CD200R1: variants seen among roughly 807,000 people sequenced by gnomAD.
CD200R1 encodes cell surface glycoprotein CD200 receptor 1.
In CD200R1, 30 loss-of-function variants were observed where a neutral mutation model predicts 38.1. The observed-to-expected ratio is 0.79, with a 90% CI of 0.59 to 1.07. The LOEUF is 1.07. CD200R1 is among the 50% of genes least tolerant of loss of function. The probability of loss-of-function intolerance (pLI) is 0.00; values close to 1 mark genes in which losing one functional copy is unlikely to be tolerated. For missense variants in CD200R1, 372 were observed against 415.4 expected (o/e 0.90, Z 0.91); for synonymous variants, 128 against 152.1 (o/e 0.84, Z 1.16).
chr3:112,967,288 C>G (rs1432043136), intron 1 of CD200R1, among the ~76,000 whole-genome samples: 2 of 152,146 alleles, frequency 1.3e-5, no homozygotes, highest in Non-Finnish European at 2.9e-5. Flanking sequence ...TTCACCACTC[C>G]AGTCATAGTT....
At chr3:112,936,552 CA>C (rs1466005450) in intron 2 of CD200R1, among the ~76,000 whole-genome samples, 2 of 152,034 alleles carry the variant, frequency 1.3e-5, no homozygotes, top group Non-Finnish European at 2.9e-5. Flanking sequence ...CTCTAATGAT[CA>C]GTGATGTTGA....
rs1188966782 is a variant in CD200R1, at chr3:112,952,904, CTTTA to C, written c.68-4984_68-4981del. ...ACTTCTTTATTTTCTATCTGGATCC[CTTTA>C]TTTGTTTCTCTTGCCTAATTCCTCC... On this transcript the variant is annotated intron_variant, in intron 1 of 7. Transcript: ENST00000308611. Among the ~76,000 whole-genome samples, 4 of 152,148 alleles carry C rather than the reference CTTTA, an allele frequency of 2.6e-5. No individual in the cohort carries two copies. In the South Asian group the frequency reaches 8.3e-4, roughly 32 times the overall value.
chr3:112,972,118 CTT>C (rs1933324821), intron 1 of CD200R1, among the ~76,000 whole-genome samples: 1 of 152,074 alleles, frequency 6.6e-6, no homozygotes, highest in Non-Finnish European at 1.5e-5. Flanking sequence ...TTAATAAGGA[CTT>C]TTAATTAATT....
Position 112,924,513 on chromosome 3 carries a change from CT to C in CD200R1, c.900del (p.Glu301AsnfsTer31), listed in dbSNP as rs1178966817. The C allele has an allele frequency of 7.8e-7, 1 of 1,282,136 alleles. No homozygotes were observed. Among genetic ancestry groups the C allele is most frequent in the African/African-American group, 1.5e-5 (1 of 65,316 alleles). 79.4% of individuals were successfully genotyped at this position (1,282,136 alleles called of 1,614,324 possible). ...NGCRKYKLNK[T>X]ESTPVVEEDE... ...ACCTCCTCAACAACTGGAGTAGATTCTGTTTTATTCAATTTATATTTTCTAT... is the reference window on the plus strand; with the variant it reads ...ACCTCCTCAACAACTGGAGTAGATTCGTTTTATTCAATTTATATTTTCTAT... On this transcript the variant is annotated frameshift_variant, in exon 7 of 8. Coordinates refer to ENST00000308611, the MANE Select transcript of CD200R1 (RefSeq NM_138806.4). LOFTEE classifies it low-confidence loss of function (END_TRUNC).
At position 112,974,800 on chromosome 3, in the gene CD200R1, A is replaced by G; in HGVS notation, c.58T>C (p.Leu20=). The change falls in exon 1 of 8, where the codon TTA becomes CTA. Residue 20 remains leucine, a synonymous_variant. Coordinates refer to ENST00000308611, the MANE Select transcript of CD200R1 (RefSeq NM_138806.4). ...GAGAATTCAAACTTACCGGCCACTA[A>G]GAAGATAGTCAAAATCAACAGTAGC... ...LGLLLILTIF[L]VAEAEGAAQP... is the part of the protein sequence containing the mutation. 1 of 1,589,946 alleles carries G rather than the reference A, an allele frequency of 6.3e-7. No individual in the cohort carries two copies. The highest frequency in any genetic ancestry group is 1.1e-5 in the South Asian group (1 of 87,974).
intron 2 of CD200R1, among the ~76,000 whole-genome samples, chr3:112,942,608 A>G (rs566818129): frequency 5.3e-5 from 8 of 151,664 alleles, no homozygotes; most frequent in Non-Finnish European, 1.2e-4. Flanking sequence ...GGTAGATATT[A>G]ATCTAACAGT....
At chr3:112,937,298 G>A (rs530337033) in intron 2 of CD200R1, among the ~76,000 whole-genome samples, 1 of 152,088 alleles carries the variant, frequency 6.6e-6, no homozygotes, top group Non-Finnish European at 1.5e-5. Flanking sequence ...CCTCCCAGCA[G>A]GTCCCTCCCA....
rs1940363985 is a variant in CD200R1, at chr3:112,929,286, T to C, written c.424A>G (p.Ile142Val). The C allele has an allele frequency of 1.2e-6, 2 of 1,614,180 alleles. No homozygotes were observed. Among genetic ancestry groups the C allele is most frequent in the Non-Finnish European group, 1.7e-6 (2 of 1,180,022 alleles). ...SRPDQNSDLQ[I>V]RTVAITHDGY... Reference sequence around the variant, plus strand: ...TCATGAGTGATGGCCACGGTACGAATCTGAAGGTCCGAATTCTGATCAGGT... The same window carrying C: ...TCATGAGTGATGGCCACGGTACGAACCTGAAGGTCCGAATTCTGATCAGGT... Residue 142 changes from isoleucine to valine, a missense_variant, in exon 4 of 8, where the codon ATT (isoleucine) becomes GTT (valine). Physicochemically the swap from Ile to Val is conservative, Grantham distance 29. Coordinates refer to ENST00000308611, the MANE Select transcript of CD200R1 (RefSeq NM_138806.4).
chr3:112,974,896 T>A lies in CD200R1; in HGVS notation c.-39A>T. The A allele has an allele frequency of 6.5e-7, 1 of 1,537,390 alleles. No individual in the cohort carries two copies. Among genetic ancestry groups the A allele is most frequent in the Non-Finnish European group, 9.0e-7 (1 of 1,111,498 alleles). ...TTTTCTGCCCTTCACTCAGTACTTT[T>A]CCTCCACACAGGTACAGAAGGAACT... On this transcript the variant is annotated 5_prime_UTR_variant, in exon 1 of 8. The change creates a premature stop within an existing upstream ORF in the 5' untranslated region. Transcript: ENST00000308611.
intron 1 of CD200R1, among the ~76,000 whole-genome samples, chr3:112,959,302 A>AT (rs1932959671): frequency 6.6e-6 from 1 of 152,130 alleles, no homozygotes; most frequent in Non-Finnish European, 1.5e-5. Context: ...TTCCGGAGGA[A>AT]TACAAACAGA....
chr3:112,928,303 T>C (rs1370691330), intron 5 of CD200R1, among the ~76,000 whole-genome samples: 2 of 152,168 alleles, frequency 1.3e-5, no homozygotes, highest in Non-Finnish European at 1.5e-5. Flanking sequence ...TATTTAATAG[T>C]TTTTAAATAA....
chr3:112,929,158 T>C (rs1940356359), intron 4 of CD200R1, 32 bp downstream of exon 4: 3 of 1,613,178 alleles, frequency 1.9e-6, no homozygotes, highest in African/African-American at 2.7e-5. Flanking sequence ...AATCTGGTGA[T>C]GTGAAATACC....
At chr3:112,953,044 G>C (rs554834521) in intron 1 of CD200R1, among the ~76,000 whole-genome samples, 1 of 152,252 alleles carries the variant, frequency 6.6e-6, no homozygotes, top group South Asian at 2.1e-4. Flanking sequence ...TCTGATCTTA[G>C]AGGAAAGGCT....
chr3:112,967,202 T>C (rs1164981709), intron 1 of CD200R1, among the ~76,000 whole-genome samples: 1 of 152,162 alleles, frequency 6.6e-6, no homozygotes, highest in Admixed American at 6.6e-5. Context: ...GCTTTTTCTC[T>C]TTACACTTTC....
At chr3:112,948,073 A>T in intron 1 of CD200R1, 149 bp from the exon 2 acceptor site, 2 of 647,510 alleles carry the variant, frequency 3.1e-6, no homozygotes, top group Non-Finnish European at 5.6e-6. Flanking sequence ...GCCAAGCAAA[A>T]GTCTTGGCAA....
At chr3:112,961,423 G>A (rs1933016635) in intron 1 of CD200R1, among the ~76,000 whole-genome samples, 2 of 151,768 alleles carry the variant, frequency 1.3e-5, no homozygotes. Context: ...CAAAAGTACT[G>A]GAAGAAAATA....
intron 2 of CD200R1, among the ~76,000 whole-genome samples, chr3:112,932,825 C>G (rs1449387458): frequency 1.3e-5 from 2 of 151,952 alleles, no homozygotes; most frequent in Non-Finnish European, 2.9e-5. Context: ...GAGAAACAGC[C>G]CCACAAGCTC....
At chr3:112,931,074 AGGTGC>A (rs1940421638) in intron 3 of CD200R1, 27 bp downstream of exon 3, 1 of 1,487,532 alleles carries the variant, frequency 6.7e-7, no homozygotes, top group Non-Finnish European at 9.4e-7. Flanking sequence ...TTCCATCCCT[AGGTGC>A]TGGCCACTAG....
Position 112,923,584 on chromosome 3 carries a change from A to G in CD200R1, c.*93T>C, listed in dbSNP as rs1940216605. 3.1e-6 allele frequency: 2 copies of G among 648,020 alleles called. No homozygotes were observed. Among genetic ancestry groups the G allele is most frequent in the Non-Finnish European group, 5.3e-6 (2 of 379,696 alleles). 40.1% of individuals were successfully genotyped at this position (648,020 alleles called of 1,614,324 possible). On this transcript the variant is annotated 3_prime_UTR_variant, in exon 8 of 8. Coordinates refer to ENST00000308611, the MANE Select transcript of CD200R1 (RefSeq NM_138806.4). ...AAGAACCTTGGAAAACCTAATTTCA[A>G]TATAAGTCTTCATTCTAGAACTGTA...
Sources: gnomAD v4.1 joint callset for allele counts (sites outside exome capture counted in the v4.1 genomes callset) on GRCh38, gnomAD v4.1.1 for gene constraint, MANE v1.5 for transcripts, NCBI Gene and HGNC (gene_info 2026-07-23, HGNC 2026-07-21) for gene names.